BDH1: variants seen among roughly 807,000 people sequenced by gnomAD.
The protein encoded by BDH1 is 3-hydroxybutyrate dehydrogenase 1, also known as D-beta-hydroxybutyrate dehydrogenase, mitochondrial.
A neutral mutation model predicts 33.1 loss-of-function variants in BDH1; 30 were observed. That is an observed-to-expected ratio of 0.91 (90% CI 0.68 to 1.23). The LOEUF is 1.23. Among genes scored for constraint, BDH1 ranks in the 50% most tolerant of loss-of-function variants. BDH1 has a pLI of 0.00. For missense variants in BDH1, 443 were observed against 464.4 expected (o/e 0.95, Z 0.42); for synonymous variants, 190 against 183.6 (o/e 1.03, Z -0.28).
At chr3:197,535,853 C>T (rs959609398) in intron 3 of BDH1, among the ~76,000 whole-genome samples, 5 of 151,720 alleles carry the variant, frequency 3.3e-5, no homozygotes, top group Admixed American at 1.3e-4. Flanking sequence ...GAGAACAGCC[C>T]GGGCAACATG....
rs1422786363 is a variant in BDH1, at chr3:197,514,975, C to T, written c.410-559G>A. On this transcript the variant is annotated intron_variant, in intron 6 of 7. Coordinates refer to ENST00000392379, the MANE Select transcript of BDH1 (RefSeq NM_203314.3). This position sits in a 1 kb window ranked among gnomAD's most constrained non-coding sequence, Gnocchi z 4.2. ...CAGAGCCTCAGGACAGAGCTGGGCC[C>T]TGCCTCTTTGTTGTGGAAACCCTCA... is the stretch of plus-strand genomic sequence containing the variant. Among the ~76,000 whole-genome samples, 1 of 152,216 alleles carries T rather than the reference C, an allele frequency of 6.6e-6. No individual in the cohort carries two copies. Among genetic ancestry groups the T allele is most frequent in the East Asian group, 1.9e-4 (1 of 5,190 alleles).
intron 1 of BDH1, among the ~76,000 whole-genome samples, chr3:197,567,414 G>A (rs1174634860): frequency 2.6e-5 from 4 of 152,274 alleles, no homozygotes; most frequent in East Asian, 1.9e-4. Flanking sequence ...CCTTTGGAAA[G>A]GCTAATCAGA....
Position 197,522,678 on chromosome 3 carries a change from A to G in BDH1, c.371T>C (p.Val124Ala), listed in dbSNP as rs112102927. 2 of 1,613,942 alleles carry G rather than the reference A, an allele frequency of 1.2e-6. No individual in the cohort carries two copies. Among genetic ancestry groups the G allele is most frequent in the Admixed American group, 3.3e-5 (2 of 60,004 alleles). The change falls in exon 6 of 8, where the codon GTG (valine) becomes GCG (alanine). Residue 124 changes from valine (V) to alanine (A), a missense_variant. Coordinates refer to ENST00000392379, the MANE Select transcript of BDH1 (RefSeq NM_203314.3). This position sits in a 1 kb window ranked among gnomAD's most constrained non-coding sequence, Gnocchi z 4.8. ...CTTCAGGCTCGAGCGGACAATCTCC[A>G]CCACTTTCTCCACCTCTTCGCTGCT... is the stretch of plus-strand genomic sequence containing the variant. ...VCSSEEVEKV[V>A]EIVRSSLKDP...
In BDH1 at chr3:197,514,402, C is replaced by T. The variant is rs868317063; in HGVS notation, c.424G>A (p.Val142Ile). The T allele has an allele frequency of 5.6e-6, 9 of 1,609,228 alleles. No individual in the cohort carries two copies. The Admixed American group carries it at 6.7e-5, about 12-fold the overall frequency. ...AACGTTGAGATGCCGGCATTGTTAA[C>T]GAGGCCCCACATGCCTGGACAGGAG... ...KDPEKGMWGL[V>I]NNAGISTFGE... is the part of the protein sequence containing the mutation. Residue 142 changes from valine to isoleucine, a missense_variant, in exon 7 of 8, where the codon GTT becomes ATT. By Grantham distance (29) the Val-to-Ile change is conservative (BLOSUM62 3). Coordinates refer to ENST00000392379, the MANE Select transcript of BDH1 (RefSeq NM_203314.3). This position sits in a 1 kb window ranked among gnomAD's most constrained non-coding sequence, Gnocchi z 4.2.
rs895572577 is a variant in BDH1, at chr3:197,554,962, C to A, written c.-195-249G>T. Among the ~76,000 whole-genome samples, 2 of 152,250 alleles carry A rather than the reference C, an allele frequency of 1.3e-5. No homozygotes were observed. Among genetic ancestry groups the A allele is most frequent in the African/African-American group, 4.8e-5 (2 of 41,470 alleles). On this transcript the variant is annotated intron_variant, in intron 1 of 7. Coordinates refer to ENST00000392379, the MANE Select transcript of BDH1 (RefSeq NM_203314.3). The surrounding 1 kb of genome is among the most constrained non-coding windows in gnomAD (Gnocchi z 4.4). ...CAGAGCAGCGCTCCCCAACGGCCGG[C>A]CGGAGGGCGGGGAGAGAGGGGGGCT...
At chr3:197,560,894 C>T (rs967252223), upstream of BDH1, among the ~76,000 whole-genome samples, 2 of 152,198 alleles carry the variant, frequency 1.3e-5, no homozygotes, top group African/African-American at 4.8e-5. Flanking sequence ...TTGTCTCTCA[C>T]CTACTTGTGA....
chr3:197,567,072 CCT>C lies in BDH1; in HGVS notation c.-44+6107_-44+6108del, dbSNP rs756047019. Among the ~76,000 whole-genome samples, 24 of 152,222 alleles carry C rather than the reference CCT, an allele frequency of 1.6e-4. No homozygotes were observed. In the East Asian group the frequency reaches 1.9e-3, roughly 12 times the overall value. On this transcript the variant is annotated intron_variant, in intron 1 of 6. Transcript: ENST00000358186. The stretch of plus-strand genomic sequence containing the variant: ...GTTGTTGTTTTTCTACCTTCTTCCC[CCT>C]GTTTTCTCTTCAAAGGACATGAGAC...
chr3:197,527,231 C>G (rs1357492419), intron 5 of BDH1, among the ~76,000 whole-genome samples: 2 of 152,180 alleles, frequency 1.3e-5, no homozygotes, highest in African/African-American at 2.4e-5. Flanking sequence ...GAGGAGCTAG[C>G]AAGCAAGATG....
intron 3 of BDH1, among the ~76,000 whole-genome samples, chr3:197,537,974 G>A (rs1246770015): frequency 6.6e-6 from 1 of 152,118 alleles, no homozygotes; most frequent in Non-Finnish European, 1.5e-5. Context: ...CTCCAAGTCT[G>A]GGACATAAGA....
intron 1 of BDH1, among the ~76,000 whole-genome samples, chr3:197,570,049 C>T (rs7632731): frequency 0.042 from 6,463 of 152,208 alleles, 426 homozygotes; most frequent in African/African-American, 0.14. Flanking sequence ...GAAATCCAGG[C>T]TGAGGTGGTC....
chr3:197,515,902 A>ACACACACACACACG (rs1712661850), intron 6 of BDH1: 2 of 153,410 alleles, frequency 1.3e-5, no homozygotes, highest in Non-Finnish European at 1.4e-5. Context: ...GCACACACAC[A>ACACACACACACACG]CACACACACA....
Position 197,521,347 on chromosome 3 carries a change from C to T in BDH1, c.409+1293G>A, listed in dbSNP as rs556884045. ...CAGACAGAGCTCCTCCCACAAGGCC[C>T]TCCACTGGCTGAACTGGAAGGATAT... is the stretch of plus-strand genomic sequence containing the variant. On this transcript the variant is annotated intron_variant, in intron 6 of 7. Transcript: ENST00000392379. This position sits in a 1 kb window ranked among gnomAD's most constrained non-coding sequence, Gnocchi z 4.9. 6.4e-4 allele frequency among the ~76,000 whole-genome samples: 98 copies of T among 152,342 alleles called. No individual in the cohort carries two copies. The highest frequency in any genetic ancestry group is 1.2e-3 in the Non-Finnish European group (84 of 68,030).
At position 197,525,677 on chromosome 3, in the gene BDH1, A is replaced by G. The variant is rs1714021729; in HGVS notation, c.268-2896T>C. Among the ~76,000 whole-genome samples the G allele has an allele frequency of 6.6e-6, 1 of 152,198 alleles. No homozygotes were observed. Among genetic ancestry groups the G allele is most frequent in the African/African-American group, 2.4e-5 (1 of 41,456 alleles). ...ACACCCTGCTCCTGACAACCACGCCAATAGGGACAGAAACTACCAATTTGC... is the reference window on the plus strand; with the variant it reads ...ACACCCTGCTCCTGACAACCACGCCGATAGGGACAGAAACTACCAATTTGC... On this transcript the variant is annotated intron_variant, in intron 5 of 7. Coordinates refer to ENST00000392379, the MANE Select transcript of BDH1 (RefSeq NM_203314.3). The surrounding 1 kb of genome is among the most constrained non-coding windows in gnomAD (Gnocchi z 4.9).
intron 1 of BDH1, among the ~76,000 whole-genome samples, chr3:197,566,199 C>T (rs989928432): frequency 2.6e-5 from 4 of 152,128 alleles, no homozygotes; most frequent in African/African-American, 9.7e-5. Flanking sequence ...AATCTGTTTT[C>T]ATTTGTAACA....
intron 3 of BDH1, chr3:197,538,582 C>A (rs900898983): frequency 7.3e-5 from 23 of 313,826 alleles, no homozygotes; most frequent in Non-Finnish European, 1.2e-4. Context: ...GAACTCCTGA[C>A]CTCAGGTGAT....
chr3:197,559,072 G>A (rs1412618297), upstream of BDH1, among the ~76,000 whole-genome samples: 6 of 149,486 alleles, frequency 4.0e-5, no homozygotes, highest in South Asian at 2.1e-4. Flanking sequence ...GTGCGATCTC[G>A]GCTCACTGCA....
chr3:197,515,580 C>T (rs1712615088), intron 6 of BDH1: 1 of 985,488 alleles, frequency 1.0e-6, no homozygotes, highest in Non-Finnish European at 1.2e-6. Context: ...TTCCACTGCC[C>T]ATGACTCCAT....
chr3:197,533,285 T>G (rs148283066), intron 4 of BDH1, among the ~76,000 whole-genome samples: 1 of 152,144 alleles, frequency 6.6e-6, no homozygotes, highest in Non-Finnish European at 1.5e-5. Flanking sequence ...CTGGAGTGCC[T>G]CATTACTGCT....
chr3:197,512,084 G>C lies in BDH1; in HGVS notation c.843C>G (p.Ile281Met), dbSNP rs147271608. ...TGCTGCAGTAGGTCTCCATCTTGGC[G>C]ATCTTTTCATCAAAGTACTTCTTGC... Reference protein sequence around the residue: ...DYGKKYFDEKIAKMETYCSSG... With the variant: ...DYGKKYFDEKMAKMETYCSSG... Residue 281 changes from isoleucine to methionine, a missense_variant, in exon 8 of 8, where the codon ATC (isoleucine) becomes ATG (methionine). Physicochemically the swap from Ile to Met is conservative, Grantham distance 10. Transcript: ENST00000392379. 6.2e-7 allele frequency: 1 copy of C among 1,614,182 alleles called. No homozygotes were observed. The highest frequency in any genetic ancestry group is 1.1e-5 in the South Asian group (1 of 91,084).
Sources: allele counts gnomAD v4.1 joint callset (sites outside exome capture counted in the v4.1 genomes callset), GRCh38; gene constraint gnomAD v4.1.1; non-coding constraint Gnocchi (gnomAD v3.1); transcripts MANE v1.5; gene names NCBI Gene and HGNC (gene_info 2026-07-23, HGNC 2026-07-21).